GGT1: variants seen among roughly 807,000 people sequenced by gnomAD.
GGT1 encodes glutathione hydrolase 1 proenzyme.
In GGT1, 21 loss-of-function variants were observed where a neutral mutation model predicts 56.0. The observed-to-expected ratio is 0.38, with a 90% CI of 0.27 to 0.54. The LOEUF (loss-of-function observed/expected upper bound fraction) is 0.54. Among genes scored for constraint, GGT1 ranks in the 20% least tolerant of loss-of-function variants. The pLI is 0.82. For synonymous variants in GGT1, 238 were observed against 342.6 expected, an observed-to-expected ratio of 0.69 and a Z score of 3.37; for missense variants, 466 against 787.0, an observed-to-expected ratio of 0.59 and a Z score of 4.88.
chr22:24,614,100 G>A (rs1044052362), intron 5 of GGT1, among the ~76,000 whole-genome samples: 3 of 152,026 alleles, frequency 2.0e-5, no homozygotes, highest in Non-Finnish European at 4.4e-5. Flanking sequence ...CCAGCACTTT[G>A]GGAGGCCAAG....
In GGT1 at chr22:24,611,117, C is replaced by T. The variant is rs200534394; in HGVS notation, c.36C>T (p.Ala12=). ...KKKLVVLGLL[A]VVLVLVIVGL... ...AGTTAGTGGTGCTGGGCCTGCTGGCCGTGGTCCTGGTGCTGGTCATTGTCG... is the reference window on the plus strand; with the variant it reads ...AGTTAGTGGTGCTGGGCCTGCTGGCTGTGGTCCTGGTGCTGGTCATTGTCG... The change falls in exon 5 of 16, where the codon GCC becomes GCT. Residue 12 remains alanine, a synonymous_variant. Coordinates refer to ENST00000400382, the MANE Select transcript of GGT1 (RefSeq NM_001288833.2). The T allele has an allele frequency of 2.5e-4, 398 of 1,602,330 alleles. No individual in the cohort carries two copies. Among genetic ancestry groups the T allele is most frequent in the Non-Finnish European group, 2.4e-4 (280 of 1,174,508 alleles).
chr22:24,592,888 C>A, upstream of GGT1: 1 of 1,279,570 alleles, frequency 7.8e-7, no homozygotes, highest in Non-Finnish European at 9.9e-7. Context: ...CAGCAGCTGC[C>A]GGGCGCGCTC....
chr22:24,611,773 T>G (rs1359718544), intron 5 of GGT1, among the ~76,000 whole-genome samples: 2 of 130,910 alleles, frequency 1.5e-5, no homozygotes, highest in African/African-American at 2.8e-5. Context: ...CCCAACAAAT[T>G]TGTGTGTGTG....
upstream of GGT1, among the ~76,000 whole-genome samples, chr22:24,601,103 A>G (rs3859862): frequency 0.43 from 64,837 of 151,378 alleles, 14,593 homozygotes; most frequent in African/African-American, 0.58. Context: ...GGACACCAGG[A>G]GACACAAAAT....
intron 9 of GGT1, among the ~76,000 whole-genome samples, chr22:24,621,484 T>C (rs2047406028): frequency 6.6e-6 from 1 of 150,692 alleles, no homozygotes; most frequent in African/African-American, 2.5e-5. Context: ...TTACAAGGGA[T>C]GAGGGTCTCC....
At chr22:24,605,058 T>TA (rs1491355558) in intron 1 of GGT1, among the ~76,000 whole-genome samples, 2 of 74,914 alleles carry the variant, frequency 2.7e-5, no homozygotes, top group Admixed American at 2.2e-4. Flanking sequence ...ATATTATATA[T>TA]TATATGTAAT....
upstream of GGT1, chr22:24,590,010 C>G: frequency 6.7e-7 from 1 of 1,481,856 alleles, no homozygotes; most frequent in Admixed American, 2.4e-5. Flanking sequence ...GAGGCACCAC[C>G]CCAGCCAGCC....
the GGT1 span, among the ~76,000 whole-genome samples, chr22:24,584,984 C>G: frequency 6.6e-6 from 1 of 152,064 alleles, no homozygotes; most frequent in East Asian, 1.9e-4. Context: ...CCCCAAGGCC[C>G]CCTGCTGCTG....
upstream of GGT1, among the ~76,000 whole-genome samples, chr22:24,594,391 A>ATGTG (rs61535476): frequency 0.018 from 2,505 of 142,236 alleles, 34 homozygotes; most frequent in African/African-American, 0.048. Context: ...ACCCGTGTGT[A>ATGTG]TGTGTGTGTG....
In GGT1 at chr22:24,628,491, C is replaced by G; in HGVS notation, c.1563+103C>G. ...GAGTGGACAATGGTTGGTGTCCTCTCTCTAGTGCCTGGGCCATCTGGAGCC... is the reference window on the plus strand; with the variant it reads ...GAGTGGACAATGGTTGGTGTCCTCTGTCTAGTGCCTGGGCCATCTGGAGCC... On this transcript the variant is annotated intron_variant, in intron 15 of 15. Transcript: ENST00000400382. The surrounding 1 kb of genome is among the most constrained non-coding windows in gnomAD (Gnocchi z 5.7). The G allele has an allele frequency of 1.4e-6, 2 of 1,448,226 alleles. No homozygotes were observed. The highest frequency in any genetic ancestry group is 1.9e-6 in the Non-Finnish European group (2 of 1,053,796). The allele number at this position is 1,448,226 out of a possible 1,614,324, so 89.7% of individuals were successfully genotyped here.
chr22:24,592,306 G>A (rs966865751), upstream of GGT1: 34 of 469,714 alleles, frequency 7.2e-5, no homozygotes, highest in South Asian at 5.1e-4. Context: ...TGAGCCGCCT[G>A]TTGGAGAACT....
the GGT1 span, among the ~76,000 whole-genome samples, chr22:24,587,634 T>TGGATGGAGTCACTCCA: frequency 6.6e-6 from 1 of 152,018 alleles, no homozygotes; most frequent in Admixed American, 6.5e-5. Flanking sequence ...TGAGGCTCCA[T>TGGATGGAGTCACTCCA]GGATGGAGTC....
At chr22:24,605,092 A>ATG (rs1760202044) in intron 1 of GGT1, among the ~76,000 whole-genome samples, 1 of 20,418 alleles carries the variant, frequency 4.9e-5, no homozygotes, top group Admixed American at 8.9e-4. Flanking sequence ...AGTATATTAT[A>ATG]TAATATGTAT....
intron 1 of GGT1, among the ~76,000 whole-genome samples, chr22:24,604,057 T>G (rs1237899433): frequency 6.6e-6 from 1 of 152,072 alleles, no homozygotes; most frequent in African/African-American, 2.4e-5. Flanking sequence ...GGGTGGAAAC[T>G]GTGAGAGACA....
the GGT1 span, chr22:24,585,716 G>A: frequency 1.3e-6 from 1 of 765,160 alleles, no homozygotes; most frequent in South Asian, 1.9e-5. Context: ...CCTCTAGCCA[G>A]GGCTGGCCAC....
intron 7 of GGT1, among the ~76,000 whole-genome samples, chr22:24,617,439 A>G (rs2047142753): frequency 6.6e-6 from 1 of 152,086 alleles, no homozygotes. Context: ...TTGCTGTGTA[A>G]GGGGCAGGGA....
At chr22:24,593,743 C>T (rs1261715313), upstream of GGT1, among the ~76,000 whole-genome samples, 4 of 150,720 alleles carry the variant, frequency 2.7e-5, no homozygotes, top group Non-Finnish European at 5.9e-5. Context: ...GCCGAGATGG[C>T]GCCACCGCAC....
chr22:24,605,900 T>C (rs1315236838), intron 1 of GGT1, among the ~76,000 whole-genome samples: 3 of 87,378 alleles, frequency 3.4e-5, no homozygotes, highest in Non-Finnish European at 6.0e-5. Context: ...TATTATATAT[T>C]ATATAATATT....
chr22:24,588,432 T>C, the GGT1 span: 6 of 897,826 alleles, frequency 6.7e-6, no homozygotes, highest in African/African-American at 4.9e-5. Flanking sequence ...GTGAGCACAG[T>C]CATGCACCAT....
Sources: allele counts gnomAD v4.1 joint callset (sites outside exome capture counted in the v4.1 genomes callset), GRCh38; gene constraint gnomAD v4.1.1; non-coding constraint Gnocchi (gnomAD v3.1); transcripts MANE v1.5; gene names NCBI Gene and HGNC (gene_info 2026-07-23, HGNC 2026-07-21).